Variants in LONRF2 observed in about 807,000 individuals in gnomAD.
LONRF2 encodes LON peptidase N-terminal domain and RING finger protein 2.
In LONRF2, 35 loss-of-function variants were observed where a neutral mutation model predicts 66.6. That is an observed-to-expected ratio of 0.53 (90% CI 0.40 to 0.70). The LOEUF (loss-of-function observed/expected upper bound fraction) is 0.70, where lower values mean the gene tolerates loss of function less well. LONRF2 is among the 30% of genes least tolerant of loss of function. The probability of loss-of-function intolerance (pLI) is 0.00; values close to 1 mark genes in which losing one functional copy is unlikely to be tolerated. For missense variants in LONRF2, 902 were observed against 1,002.1 expected (o/e 0.90, Z 1.35); for synonymous variants, 417 against 418.1 (o/e 1.00, Z 0.03).
chr2:100,321,148 A>G (rs1675613797), intron 1 of LONRF2, among the ~76,000 whole-genome samples: 1 of 152,226 alleles, frequency 6.6e-6, no homozygotes, highest in African/African-American at 2.4e-5. Context: ...AAGCAATTAC[A>G]GGACCTTACA....
intron 1 of LONRF2, among the ~76,000 whole-genome samples, chr2:100,319,423 C>G (rs113691449): frequency 6.6e-6 from 1 of 152,076 alleles, no homozygotes; most frequent in Non-Finnish European, 1.5e-5. Flanking sequence ...AAAGTGAACA[C>G]ACTTGTGTAT....
In LONRF2 at chr2:100,290,405, T is replaced by C. The variant is rs766032493; in HGVS notation, c.1773A>G (p.Gly591=). The C allele has an allele frequency of 2.5e-6, 4 of 1,610,922 alleles. No individual in the cohort carries two copies. Among genetic ancestry groups the C allele is most frequent in the Non-Finnish European group, 2.5e-6 (3 of 1,179,096 alleles). ...SAEHAGLSEY[G]CMLEIKDVRT... Reference sequence around the variant, plus strand: ...TCACGTCCTTAATCTCCAGCATGCATCCATACTCTGAAAGCCTGAAAAGAC... The same window carrying C: ...TCACGTCCTTAATCTCCAGCATGCACCCATACTCTGAAAGCCTGAAAAGAC... Residue 591 remains glycine (G), a synonymous_variant, in exon 10 of 12, where the codon GGA becomes GGG. Transcript: ENST00000393437.
Position 100,321,942 on chromosome 2 carries a change from G to GGTC in LONRF2, c.151_152insGAC (p.Ala51delinsGlyPro). ...GCCGCGGTCCGGCTGCGCCAGCCCGGCTAGCATGGAGCGAAAGAGCTCGGC... is the reference window on the plus strand; with the variant it reads ...GCCGCGGTCCGGCTGCGCCAGCCCGGGTCCTAGCATGGAGCGAAAGAGCTCGGC... On this transcript the variant is annotated protein_altering_variant, in exon 1 of 12. Coordinates refer to ENST00000393437, the MANE Select transcript of LONRF2 (RefSeq NM_198461.4). The GGTC allele has an allele frequency of 6.9e-7, 1 of 1,439,700 alleles. No homozygotes were observed. The highest frequency in any genetic ancestry group is 9.1e-7 in the Non-Finnish European group (1 of 1,094,992). 89.2% of individuals were successfully genotyped at this position (1,439,700 alleles called of 1,614,324 possible).
chr2:100,321,680 G>C lies in LONRF2; in HGVS notation c.414C>G (p.Arg138=). 1 of 1,247,248 alleles carries C rather than the reference G, an allele frequency of 8.0e-7. No homozygotes were observed. Among genetic ancestry groups the C allele is most frequent in the Non-Finnish European group, 1.0e-6 (1 of 999,858 alleles). 77.3% of individuals were successfully genotyped at this position (1,247,248 alleles called of 1,614,324 possible). ...GGCAGCGCGGGCAGCCGAGCAGGTC[G>C]CGGGGCGCGCGGGGCTCCGGGGCCG... ...GGPAPEPRAP[R]DLLGCPRCRR... Residue 138 remains arginine (R), a synonymous_variant, in exon 1 of 12, where the codon CGC becomes CGG. Transcript: ENST00000393437.
intron 2 of LONRF2, among the ~76,000 whole-genome samples, chr2:100,306,492 T>G (rs73964438): frequency 0.039 from 5,967 of 152,310 alleles, 331 homozygotes; most frequent in South Asian, 0.18. Context: ...ATTTTAAGTC[T>G]TATAAGTTCG....
At chr2:100,289,173 C>T (rs376105599) in intron 10 of LONRF2, among the ~76,000 whole-genome samples, 1,743 of 124,064 alleles carry the variant, frequency 0.014, 36 homozygotes, top group African/African-American at 0.046. Context: ...CCGTGCTCAC[C>T]ACCATGTTTC....
intron 8 of LONRF2, among the ~76,000 whole-genome samples, chr2:100,294,983 ATTTTT>A (rs1406682117): frequency 6.6e-6 from 1 of 150,488 alleles, no homozygotes; most frequent in Non-Finnish European, 1.5e-5. Flanking sequence ...CCTTTTATTT[ATTTTT>A]AATATATAAA....
Position 100,274,245 on chromosome 2 carries a change from ACT to A in LONRF2, c.*10051_*10052del, listed in dbSNP as rs1229382494. 1 of 151,308 alleles carries A rather than the reference ACT, an allele frequency of 6.6e-6. No individual in the cohort carries two copies. Among genetic ancestry groups the A allele is most frequent in the Non-Finnish European group, 1.5e-5 (1 of 67,886 alleles). The allele number at this position is 151,308 out of a possible 1,614,324, so 9.4% of individuals were successfully genotyped here. On this transcript the variant is annotated 3_prime_UTR_variant, in exon 12 of 12. Transcript: ENST00000393437. ...CGTAGTACCCCGGGAGCCTCACATGACTCTCTCAGCCCCTCCCTGCTCTGAGT... is the reference window on the plus strand; with the variant it reads ...CGTAGTACCCCGGGAGCCTCACATGACTCTCAGCCCCTCCCTGCTCTGAGT...
chr2:100,289,430 CTTTTTTTTTTTTT>C (rs10543662), intron 10 of LONRF2, among the ~76,000 whole-genome samples: 2 of 77,076 alleles, frequency 2.6e-5, no homozygotes, highest in Admixed American at 3.5e-4. Context: ...ACAATAAGGT[CTTTTTTTTTTTTT>C]TTTTTTTTTT....
At chr2:100,294,200 C>T (rs772856860) in intron 9 of LONRF2, 29 bp downstream of exon 9, 1 of 1,602,258 alleles carries the variant, frequency 6.2e-7, no homozygotes, top group Non-Finnish European at 8.5e-7. Context: ...TCATTAGGAC[C>T]CTTTGAACCA....
intron 1 of LONRF2, among the ~76,000 whole-genome samples, chr2:100,314,897 G>A (rs1000112383): frequency 6.6e-6 from 1 of 152,176 alleles, no homozygotes; most frequent in African/African-American, 2.4e-5. Context: ...ATTATAGTAA[G>A]TATTGGAATC....
intron 1 of LONRF2, among the ~76,000 whole-genome samples, chr2:100,317,658 C>T (rs917329328): frequency 6.6e-6 from 1 of 152,068 alleles, no homozygotes; most frequent in African/African-American, 2.4e-5. Context: ...GTAATAAAAT[C>T]CTTTAGCTTG....
chr2:100,304,790 A>AATTTT (rs1675258605), intron 2 of LONRF2, among the ~76,000 whole-genome samples: 1 of 113,228 alleles, frequency 8.8e-6, no homozygotes, highest in Admixed American at 9.9e-5. Context: ...TGCCTGGCTA[A>AATTTT]TTTTTTTTTT....
chr2:100,302,175 A>T (rs1404681391), intron 3 of LONRF2, among the ~76,000 whole-genome samples: 1 of 152,238 alleles, frequency 6.6e-6, no homozygotes, highest in East Asian at 1.9e-4. Context: ...CAGAAGAGGA[A>T]ATCTTAGAAA....
At chr2:100,295,914 A>G (rs752181551) in intron 7 of LONRF2, among the ~76,000 whole-genome samples, 18 of 152,250 alleles carry the variant, frequency 1.2e-4, no homozygotes, top group Non-Finnish European at 2.9e-5. Flanking sequence ...TGGAACTACT[A>G]GAGAAAGAAT....
At chr2:100,286,200 CT>C (rs1674842546) in intron 11 of LONRF2, among the ~76,000 whole-genome samples, 1 of 152,180 alleles carries the variant, frequency 6.6e-6, no homozygotes, top group South Asian at 2.1e-4. Context: ...GGGAAAAGAC[CT>C]TTCACATCAC....
In LONRF2 at chr2:100,277,054, T is replaced by C. The variant is rs770318316; in HGVS notation, c.*7244A>G. On this transcript the variant is annotated 3_prime_UTR_variant, in exon 12 of 12. Coordinates refer to ENST00000393437, the MANE Select transcript of LONRF2 (RefSeq NM_198461.4). Reference sequence around the variant, plus strand: ...TGGCAATGTAGTCCTCATTTACAAATTTTACTTAATCTTCTTGCTGCTGCT... The same window carrying C: ...TGGCAATGTAGTCCTCATTTACAAACTTTACTTAATCTTCTTGCTGCTGCT... The C allele has an allele frequency of 2.4e-4, 36 of 152,220 alleles. No individual in the cohort carries two copies. The highest frequency in any genetic ancestry group is 4.7e-4 in the Non-Finnish European group (32 of 68,040). 9.4% of individuals were successfully genotyped at this position (152,220 alleles called of 1,614,324 possible).
rs1674525615 is a variant in LONRF2, at chr2:100,272,723, T to A, written c.*11575A>T. Among the ~76,000 whole-genome samples, 1 of 152,210 alleles carries A rather than the reference T, an allele frequency of 6.6e-6. No homozygotes were observed. The highest frequency in any genetic ancestry group is 1.5e-5 in the Non-Finnish European group (1 of 68,048). ...TCATAGTTAACTCAGTATTTGCAAT[T>A]CATATTCCTTTTCTTAAGAAGCACT... On this transcript the variant is annotated 3_prime_UTR_variant, in exon 12 of 12. Transcript: ENST00000393437.
In LONRF2 at chr2:100,279,039, A is replaced by G. The variant is rs1674657143; in HGVS notation, c.*5259T>C. 6.6e-6 allele frequency: 1 copy of G among 151,004 alleles called. No homozygotes were observed. The highest frequency in any genetic ancestry group is 2.4e-5 in the African/African-American group (1 of 40,968). 9.4% of individuals were successfully genotyped at this position (151,004 alleles called of 1,614,324 possible). A position where few individuals can be genotyped will look rare whatever the true frequency, so the allele number is the denominator to read the frequency against. On this transcript the variant is annotated 3_prime_UTR_variant, in exon 12 of 12. Coordinates refer to ENST00000393437, the MANE Select transcript of LONRF2 (RefSeq NM_198461.4). The stretch of plus-strand genomic sequence containing the variant: ...GGAGGTAACTGCCCCCTATCAGTCA[A>G]CTCCTCAACCCCTGGGGGAGGAGCA...
Sources: gnomAD v4.1 joint callset for allele counts (sites outside exome capture counted in the v4.1 genomes callset) on GRCh38, gnomAD v4.1.1 for gene constraint, MANE v1.5 for transcripts, NCBI Gene and HGNC (gene_info 2026-07-23, HGNC 2026-07-21) for gene names.